The following KCNIP4 variants were observed in gnomAD, a reference collection of about 807,000 sequenced individuals.
KCNIP4 encodes potassium voltage-gated channel interacting protein 4.
KCNIP4 carries 12 observed loss-of-function variants against 34.0 expected under a neutral mutation model. The ratio of observed to expected loss-of-function variants is 0.35; its 90% CI spans 0.23 to 0.57. The LOEUF (loss-of-function observed/expected upper bound fraction) is 0.57. Ranked by LOEUF, KCNIP4 falls within the 20% of genes least tolerant of loss-of-function variation. The pLI is 0.83. For missense variants in KCNIP4, 238 were observed against 311.7 expected (o/e 0.76, Z 1.78); for synonymous variants, 124 against 102.2 (o/e 1.21, Z -1.29).
At chr4:20,741,068 A>C (rs1750958515) in intron 5 of KCNIP4, among the ~76,000 whole-genome samples, 1 of 151,996 alleles carries the variant, frequency 6.6e-6, no homozygotes, top group Non-Finnish European at 1.5e-5. Flanking sequence ...CAGATTCATA[A>C]AACAAGTCCT....
At chr4:21,887,488 T>C (rs1307656952) in intron 1 of KCNIP4, among the ~76,000 whole-genome samples, 2 of 152,122 alleles carry the variant, frequency 1.3e-5, no homozygotes, top group Non-Finnish European at 2.9e-5. Flanking sequence ...TTTCAATGTA[T>C]GAATTTTGGG....
Position 21,858,942 on chromosome 4 carries a change from T to C in KCNIP4, c.61+89629A>G, listed in dbSNP as rs993234293. Reference sequence around the variant, plus strand: ...CCAAATTTAGAAAACACAGGAAATTTAGAAAAACAAACATGATGTTATAAT... The same window carrying C: ...CCAAATTTAGAAAACACAGGAAATTCAGAAAAACAAACATGATGTTATAAT... On this transcript the variant is annotated intron_variant, in intron 1 of 8. Transcript: ENST00000382152. 4.6e-5 allele frequency among the ~76,000 whole-genome samples: 7 copies of C among 152,278 alleles called. No homozygotes were observed. The South Asian group carries it at 1.2e-3, about 27-fold the overall frequency.
intron 1 of KCNIP4, among the ~76,000 whole-genome samples, chr4:21,341,867 A>G (rs1716796026): frequency 1.3e-5 from 2 of 152,132 alleles, no homozygotes; most frequent in Admixed American, 1.3e-4. Context: ...TTGGAGCCTG[A>G]TATCTTCAAC....
chr4:21,623,999 C>G (rs528772666), intron 1 of KCNIP4, among the ~76,000 whole-genome samples: 7 of 152,112 alleles, frequency 4.6e-5, no homozygotes, highest in Non-Finnish European at 8.8e-5. Context: ...TGTATACATG[C>G]ACAAGAATCT....
At chr4:21,085,223 TTCTC>T (rs201264506) in intron 1 of KCNIP4, among the ~76,000 whole-genome samples, 1 of 151,752 alleles carries the variant, frequency 6.6e-6, no homozygotes, top group South Asian at 2.1e-4. Flanking sequence ...ACAAGAGAGA[TTCTC>T]TCTCTCTCTG....
At chr4:21,198,320 C>T (rs1220003384) in intron 1 of KCNIP4, among the ~76,000 whole-genome samples, 1 of 152,166 alleles carries the variant, frequency 6.6e-6, no homozygotes, top group Non-Finnish European at 1.5e-5. Flanking sequence ...CATTAGTGCT[C>T]CCTCTGTTTA....
At position 20,882,247 on chromosome 4, in the gene KCNIP4, A is replaced by C. The variant is rs1375992240; in HGVS notation, c.163+361T>G. 4.6e-5 allele frequency among the ~76,000 whole-genome samples: 7 copies of C among 152,108 alleles called. 1 individual carries two copies. Among genetic ancestry groups the C allele is most frequent in the Admixed American group, 2.6e-4 (4 of 15,256 alleles). On this transcript the variant is annotated intron_variant, in intron 2 of 8. Coordinates refer to ENST00000382152, the MANE Select transcript of KCNIP4 (RefSeq NM_025221.6). ...TCCACTGGGATTATAGACCCAGTGG[A>C]TGAGAGTCAAACAATGTACAAGGTC...
chr4:20,774,625 C>T (rs114354663), intron 3 of KCNIP4, among the ~76,000 whole-genome samples: 1 of 152,100 alleles, frequency 6.6e-6, no homozygotes. Context: ...GTTACAGTTG[C>T]GATAAGTGCT....
chr4:21,783,195 A>G (rs1050545333), intron 1 of KCNIP4, among the ~76,000 whole-genome samples: 6 of 152,202 alleles, frequency 3.9e-5, no homozygotes, highest in African/African-American at 1.4e-4. Context: ...TTAGTTACAT[A>G]AGAGGTAACA....
intron 1 of KCNIP4, among the ~76,000 whole-genome samples, chr4:21,341,705 C>T (rs144957924): frequency 1.3e-5 from 2 of 152,084 alleles, no homozygotes; most frequent in East Asian, 1.9e-4. Context: ...TTCTTTCTTA[C>T]CATTTCTGAG....
chr4:21,659,157 CATAA>C (rs1748225904), intron 1 of KCNIP4, among the ~76,000 whole-genome samples: 1 of 151,832 alleles, frequency 6.6e-6, no homozygotes, highest in Non-Finnish European at 1.5e-5. Context: ...GTCATTTTGG[CATAA>C]ATATTTTGTT....
intron 1 of KCNIP4, among the ~76,000 whole-genome samples, chr4:21,483,197 G>T (rs919056142): frequency 6.6e-6 from 1 of 151,486 alleles, no homozygotes; most frequent in Non-Finnish European, 1.5e-5. Context: ...TGCATGTTGT[G>T]CACATGTACC....
chr4:21,505,652 C>G (rs1236555066), intron 1 of KCNIP4, among the ~76,000 whole-genome samples: 1 of 152,148 alleles, frequency 6.6e-6, no homozygotes, highest in African/African-American at 2.4e-5. Context: ...ACCCAACTTC[C>G]CCTGACTTTC....
intron 1 of KCNIP4, among the ~76,000 whole-genome samples, chr4:21,821,200 C>T (rs1722333116): frequency 6.6e-6 from 1 of 152,012 alleles, no homozygotes; most frequent in African/African-American, 2.4e-5. Context: ...GGTAGATAAC[C>T]TGACCTGCAG....
At chr4:21,914,672 T>C (rs906809544) in intron 1 of KCNIP4, among the ~76,000 whole-genome samples, 1 of 152,204 alleles carries the variant, frequency 6.6e-6, no homozygotes, top group Non-Finnish European at 1.5e-5. Context: ...GCTCCTCTCT[T>C]GCAAATCATC....
intron 1 of KCNIP4, among the ~76,000 whole-genome samples, chr4:21,916,733 G>T (rs6842044): frequency 1 from 152,256 of 152,332 alleles, 76,091 homozygotes; most frequent in Non-Finnish European, 1. Flanking sequence ...GATTTTCAAA[G>T]AACAACTCAA....
chr4:21,658,777 G>A (rs768532510), intron 1 of KCNIP4, among the ~76,000 whole-genome samples: 4 of 152,154 alleles, frequency 2.6e-5, no homozygotes, highest in South Asian at 2.1e-4. Flanking sequence ...CATACAGCAT[G>A]ACATCATTGA....
intron 1 of KCNIP4, among the ~76,000 whole-genome samples, chr4:21,933,929 G>A (rs1729712005): frequency 6.6e-6 from 1 of 152,060 alleles, no homozygotes; most frequent in African/African-American, 2.4e-5. Flanking sequence ...TTTACTCTGG[G>A]TTGGCAGACA....
At chr4:21,363,932 G>A (rs887837536) in intron 1 of KCNIP4, among the ~76,000 whole-genome samples, 2 of 152,072 alleles carry the variant, frequency 1.3e-5, no homozygotes, top group Non-Finnish European at 1.5e-5. Context: ...AAGAGCTCTC[G>A]AGTACCACTG....
Sources: allele counts gnomAD v4.1 joint callset (sites outside exome capture counted in the v4.1 genomes callset), GRCh38; gene constraint gnomAD v4.1.1; transcripts MANE v1.5; gene names NCBI Gene and HGNC (gene_info 2026-07-23, HGNC 2026-07-21).